Variants in UBL3 observed in about 807,000 individuals in gnomAD.
The protein encoded by UBL3 is ubiquitin like 3.
UBL3 carries 6 observed loss-of-function variants against 18.4 expected under a neutral mutation model. That is an observed-to-expected ratio of 0.33 (90% CI 0.18 to 0.64). The LOEUF is 0.64. UBL3 is among the 30% of genes least tolerant of loss of function. The pLI is 0.76. For synonymous variants in UBL3, 49 were observed against 46.6 expected (o/e 1.05, Z -0.21); for missense variants, 109 against 142.9 (o/e 0.76, Z 1.21).
chr13:29,780,231 G>C (rs1454868248), intron 1 of UBL3, among the ~76,000 whole-genome samples: 1 of 150,784 alleles, frequency 6.6e-6, no homozygotes, highest in Non-Finnish European at 1.5e-5. Context: ...GCGGGCACCT[G>C]TAGTCCCAGC....
intron 3 of UBL3, among the ~76,000 whole-genome samples, chr13:29,770,025 T>C (rs1315323367): frequency 2.6e-5 from 4 of 152,100 alleles, no homozygotes; most frequent in Non-Finnish European, 4.4e-5. Flanking sequence ...GTTCACATAT[T>C]CTTTCCTATA....
intron 1 of UBL3, among the ~76,000 whole-genome samples, chr13:29,789,198 G>A (rs1318216242): frequency 2.0e-5 from 3 of 152,102 alleles, no homozygotes; most frequent in East Asian, 1.9e-4. Flanking sequence ...CACGCCCGGC[G>A]GGAATTATTG....
chr13:29,824,360 T>C (rs934836989), intron 1 of UBL3, among the ~76,000 whole-genome samples: 16 of 152,204 alleles, frequency 1.1e-4, no homozygotes, highest in African/African-American at 3.6e-4. Flanking sequence ...CCACATCCTC[T>C]CCAGCACCTG....
chr13:29,790,094 C>G (rs1176258307), intron 1 of UBL3, among the ~76,000 whole-genome samples: 1 of 152,142 alleles, frequency 6.6e-6, no homozygotes, highest in Non-Finnish European at 1.5e-5. Flanking sequence ...TAATGTATGA[C>G]TTCACCCTAT....
rs1191292116 is a variant in UBL3, at chr13:29,766,591, A to T, written c.*664T>A. 1 of 152,614 alleles carries T rather than the reference A, an allele frequency of 6.6e-6. No homozygotes were observed. Among genetic ancestry groups the T allele is most frequent in the Non-Finnish European group, 1.5e-5 (1 of 68,012 alleles). 9.5% of individuals were successfully genotyped at this position (152,614 alleles called of 1,614,324 possible). A position where few individuals can be genotyped will look rare whatever the true frequency, so the allele number is the denominator to read the frequency against. ...GAGTGCATGTCTTAAAGGAAAAAAA[A>T]TTAGTTTCATCAGCCCTCTACTGAG... On this transcript the variant is annotated 3_prime_UTR_variant, in exon 5 of 5. Transcript: ENST00000380680.
chr13:29,825,045 T>C (rs1878580786), intron 1 of UBL3, among the ~76,000 whole-genome samples: 2 of 152,220 alleles, frequency 1.3e-5, no homozygotes, highest in Admixed American at 1.3e-4. Context: ...CTGAGGGCTC[T>C]GTTCTGTTCC....
chr13:29,772,301 A>T, intron 2 of UBL3, 103 bp from the exon 3 acceptor site: 1 of 873,216 alleles, frequency 1.1e-6, no homozygotes, highest in Non-Finnish European at 1.7e-6. Flanking sequence ...GAGTACAAAG[A>T]AGGCCCTTGG....
At chr13:29,830,111 CA>C (rs904594596) in intron 1 of UBL3, among the ~76,000 whole-genome samples, 2 of 151,728 alleles carry the variant, frequency 1.3e-5, no homozygotes, top group Non-Finnish European at 2.9e-5. Context: ...ACCTGGGGAA[CA>C]AAAAAAGGGT....
rs1000327139 is a variant in UBL3, at chr13:29,774,387, T to A, written c.137-2189A>T. 4.6e-5 allele frequency among the ~76,000 whole-genome samples: 7 copies of A among 152,144 alleles called. No homozygotes were observed. In the East Asian group the frequency reaches 1.2e-3, roughly 25 times the overall value. On this transcript the variant is annotated intron_variant, in intron 2 of 4. Transcript: ENST00000380680. ...ATATCCATATATCAAAAGCTATTAC[T>A]TACTATGACCGCTCCCCCCAAAAAA...
chr13:29,837,618 TTGTAATCATGCC>T (rs774256515), intron 1 of UBL3, among the ~76,000 whole-genome samples: 39 of 152,248 alleles, frequency 2.6e-4, no homozygotes, highest in African/African-American at 7.9e-4. Context: ...TCCCAACACT[TTGTAATCATGCC>T]TGTAATCATG....
chr13:29,776,249 TTTC>T (rs1360751954), intron 2 of UBL3, among the ~76,000 whole-genome samples: 1 of 131,976 alleles, frequency 7.6e-6, no homozygotes, highest in East Asian at 2.5e-4. Context: ...TTTTCTTTTT[TTTC>T]TTTTCTTTCT....
At chr13:29,790,848 A>T (rs1877463369) in intron 1 of UBL3, among the ~76,000 whole-genome samples, 1 of 151,980 alleles carries the variant, frequency 6.6e-6, no homozygotes. Context: ...TCCTTTTATA[A>T]TCCAAATATG....
intron 1 of UBL3, among the ~76,000 whole-genome samples, chr13:29,816,754 C>CAAA (rs57272367): frequency 3.1e-4 from 13 of 42,610 alleles, no homozygotes; most frequent in Non-Finnish European, 5.9e-4. Context: ...GACCCTGTCT[C>CAAA]AAAAAAAAAA....
chr13:29,783,566 G>A (rs1049642575), intron 1 of UBL3, among the ~76,000 whole-genome samples: 3 of 152,154 alleles, frequency 2.0e-5, no homozygotes, highest in African/African-American at 7.2e-5. Flanking sequence ...TTAGTTAATT[G>A]TTCCTATGCT....
intron 1 of UBL3, among the ~76,000 whole-genome samples, chr13:29,785,433 G>T (rs1241052420): frequency 6.6e-6 from 1 of 152,030 alleles, no homozygotes; most frequent in African/African-American, 2.4e-5. Context: ...AAAATGAATA[G>T]TTTTTAAAAA....
rs1877046295 is a variant in UBL3, at chr13:29,777,955, T to A, written c.28-692A>T. Among the ~76,000 whole-genome samples the A allele has an allele frequency of 2.0e-5, 3 of 152,108 alleles. No homozygotes were observed. The South Asian group carries it at 6.2e-4, about 32-fold the overall frequency. On this transcript the variant is annotated intron_variant, in intron 1 of 4. Transcript: ENST00000380680. ...CTAATTTTTGTGTTTTTAGTAGAGATGAGGTTTCACTATGTTGGCCAGGCT... is the reference window on the plus strand; with the variant it reads ...CTAATTTTTGTGTTTTTAGTAGAGAAGAGGTTTCACTATGTTGGCCAGGCT...
intron 1 of UBL3, among the ~76,000 whole-genome samples, chr13:29,840,740 C>T (rs1879076727): frequency 6.6e-6 from 1 of 152,062 alleles, no homozygotes. Context: ...AGAGTTTTGT[C>T]CTAAGGGAAT....
At chr13:29,824,408 G>A (rs1387454337) in intron 1 of UBL3, among the ~76,000 whole-genome samples, 1 of 152,144 alleles carries the variant, frequency 6.6e-6, no homozygotes, top group Non-Finnish European at 1.5e-5. Flanking sequence ...ATTCTAACTG[G>A]TGTGAGATGG....
intron 1 of UBL3, among the ~76,000 whole-genome samples, chr13:29,782,209 T>G (rs73157147): frequency 0.14 from 20,569 of 152,018 alleles, 1,570 homozygotes; most frequent in Non-Finnish European, 0.18. Context: ...TCTTTGAACA[T>G]TCCCAATCTC....
Sources: allele counts gnomAD v4.1 joint callset (sites outside exome capture counted in the v4.1 genomes callset), GRCh38; gene constraint gnomAD v4.1.1; transcripts MANE v1.5; gene names NCBI Gene and HGNC (gene_info 2026-07-23, HGNC 2026-07-21).